FRMD4A: variants seen among roughly 807,000 people sequenced by gnomAD.
FRMD4A encodes FERM domain containing 4A.
A neutral mutation model predicts 129.1 loss-of-function variants in FRMD4A; 29 were observed. The ratio of observed to expected loss-of-function variants is 0.22; its 90% CI spans 0.17 to 0.31. The LOEUF (loss-of-function observed/expected upper bound fraction) is 0.31. FRMD4A is among the 10% of genes least tolerant of loss of function. FRMD4A has a pLI of 1.00. For missense variants in FRMD4A, 1,272 were observed against 1,375.8 expected (o/e 0.92, Z 1.19); for synonymous variants, 634 against 571.6 (o/e 1.11, Z -1.56).
intron 2 of FRMD4A, among the ~76,000 whole-genome samples, chr10:14,129,371 CATATATAT>C (rs3033977): frequency 4.1e-3 from 189 of 46,220 alleles, no homozygotes; most frequent in African/African-American, 8.1e-3. Context: ...AATTATGATT[CATATATAT>C]ATATATATAT....
chr10:14,104,371 C>T (rs918067334), intron 2 of FRMD4A, among the ~76,000 whole-genome samples: 1 of 151,666 alleles, frequency 6.6e-6, no homozygotes, highest in African/African-American at 2.4e-5. Flanking sequence ...GTGCTCACTT[C>T]CCTGCTCTAG....
At chr10:14,111,528 C>T (rs1034259200) in intron 2 of FRMD4A, among the ~76,000 whole-genome samples, 2 of 152,074 alleles carry the variant, frequency 1.3e-5, no homozygotes, top group Non-Finnish European at 2.9e-5. Flanking sequence ...AAGCTTGCAG[C>T]ACTATGGTTA....
At chr10:14,315,173 G>A (rs1166158009) in intron 2 of FRMD4A, among the ~76,000 whole-genome samples, 1 of 151,348 alleles carries the variant, frequency 6.6e-6, no homozygotes, top group African/African-American at 2.4e-5. Flanking sequence ...GCTCTTCTCT[G>A]TCTATTCTCC....
intron 2 of FRMD4A, among the ~76,000 whole-genome samples, chr10:14,200,396 T>C (rs190789096): frequency 6.6e-6 from 1 of 152,116 alleles, no homozygotes; most frequent in Non-Finnish European, 1.5e-5. Context: ...TAGGTTCAAG[T>C]GATTCTCCCA....
intron 5 of FRMD4A, among the ~76,000 whole-genome samples, chr10:13,790,472 C>T (rs567935034): frequency 4.5e-4 from 69 of 152,226 alleles, no homozygotes; most frequent in Admixed American, 2.1e-3. Flanking sequence ...AAGCAAGACA[C>T]GACCTCGTGG....
chr10:14,114,651 T>G (rs953307016), intron 2 of FRMD4A, among the ~76,000 whole-genome samples: 1 of 152,154 alleles, frequency 6.6e-6, no homozygotes, highest in Non-Finnish European at 1.5e-5. Flanking sequence ...AATCACTCCC[T>G]AAAACCCCAG....
chr10:13,772,167 T>C lies in FRMD4A; in HGVS notation c.385-9487A>G, dbSNP rs1001504141. Among the ~76,000 whole-genome samples, 169 of 131,308 alleles carry C rather than the reference T, an allele frequency of 1.3e-3. 1 individual carries two copies. The Middle Eastern group carries it at 0.022, about 17-fold the overall frequency. 86.1% of individuals were successfully genotyped at this position (131,308 alleles called of 152,430 possible). A position where few individuals can be genotyped will look rare whatever the true frequency, so the allele number is the denominator to read the frequency against. On this transcript the variant is annotated intron_variant, in intron 6 of 24. Coordinates refer to ENST00000357447, the MANE Select transcript of FRMD4A (RefSeq NM_018027.5). ...TATAATAAAGATATATAATATATAA[T>C]ATATTATATTATATATAATTATTAT...
chr10:14,269,238 G>A (rs1238843633), intron 2 of FRMD4A, among the ~76,000 whole-genome samples: 1 of 152,152 alleles, frequency 6.6e-6, no homozygotes, highest in Admixed American at 6.6e-5. Flanking sequence ...CTGTAGCATA[G>A]GTTAGTTGTA....
intron 2 of FRMD4A, among the ~76,000 whole-genome samples, chr10:14,129,777 A>C (rs1462079079): frequency 2.6e-5 from 4 of 152,076 alleles, no homozygotes; most frequent in Non-Finnish European, 2.9e-5. Context: ...AGGAACTCTG[A>C]CCTTTGGGTG....
intron 2 of FRMD4A, among the ~76,000 whole-genome samples, chr10:14,033,630 C>T (rs1017504431): frequency 1.3e-5 from 2 of 151,866 alleles, no homozygotes; most frequent in African/African-American, 4.8e-5. Context: ...ACTAAAAATA[C>T]AAAAATTAGC....
chr10:13,911,417 G>A (rs559282527), intron 2 of FRMD4A, among the ~76,000 whole-genome samples: 1 of 152,046 alleles, frequency 6.6e-6, no homozygotes, highest in Non-Finnish European at 1.5e-5. Flanking sequence ...CACTAAAACG[G>A]TTTTAGATAC....
chr10:13,888,748 A>T lies in FRMD4A; in HGVS notation c.46-29836T>A, dbSNP rs555802915. ...CCCAAAAATAAGACATATGAATTGA[A>T]GTTACTCCTGACACTGGACTCAGAC... is the stretch of plus-strand genomic sequence containing the variant. On this transcript the variant is annotated intron_variant, in intron 2 of 24. Transcript: ENST00000357447. 3.3e-5 allele frequency among the ~76,000 whole-genome samples: 5 copies of T among 152,336 alleles called. No homozygotes were observed. The South Asian group carries it at 1.0e-3, about 32-fold the overall frequency.
intron 2 of FRMD4A, among the ~76,000 whole-genome samples, chr10:14,309,290 A>T (rs1802137801): frequency 6.6e-6 from 1 of 152,118 alleles, no homozygotes; most frequent in South Asian, 2.1e-4. Context: ...TCTCTAAAAA[A>T]ATTTTTTAAA....
intron 2 of FRMD4A, among the ~76,000 whole-genome samples, chr10:13,910,265 C>T (rs2094927739): frequency 1.3e-5 from 2 of 152,202 alleles, no homozygotes; most frequent in Admixed American, 1.3e-4. Flanking sequence ...TGCCTAGCTG[C>T]CATGTGAACA....
At chr10:14,273,521 T>C (rs866097363) in intron 2 of FRMD4A, among the ~76,000 whole-genome samples, 1 of 152,196 alleles carries the variant, frequency 6.6e-6, no homozygotes, top group South Asian at 2.1e-4. Flanking sequence ...ATGATTTTTT[T>C]TTAAGTGAAT....
rs4130142 is a variant in FRMD4A, at chr10:13,753,224, G to A, written c.465-5405C>T. ...CTCCTCCTTTTTTTGGTAAACCAAG[G>A]TGAAGCTGAGGTTACAACAAAGAAA... On this transcript the variant is annotated intron_variant, in intron 8 of 24. Coordinates refer to ENST00000357447, the MANE Select transcript of FRMD4A (RefSeq NM_018027.5). Among the ~76,000 whole-genome samples, 138 of 152,182 alleles carry A rather than the reference G, an allele frequency of 9.1e-4. 3 individuals carry two copies. In the South Asian group the frequency reaches 0.028, roughly 31 times the overall value.
At chr10:14,132,429 G>A (rs1166701015) in intron 2 of FRMD4A, among the ~76,000 whole-genome samples, 1 of 152,222 alleles carries the variant, frequency 6.6e-6, no homozygotes, top group East Asian at 1.9e-4. Context: ...AATGTGGAGA[G>A]GGGAGGCTGC....
intron 2 of FRMD4A, among the ~76,000 whole-genome samples, chr10:14,102,330 C>A (rs1837349956): frequency 6.6e-6 from 1 of 152,188 alleles, no homozygotes; most frequent in Non-Finnish European, 1.5e-5. Context: ...GCTTTGAAAC[C>A]AGCCTGGCCA....
intron 2 of FRMD4A, among the ~76,000 whole-genome samples, chr10:14,210,905 T>G (rs536117010): frequency 1.4e-4 from 21 of 152,264 alleles, no homozygotes; most frequent in Admixed American, 2.6e-4. Flanking sequence ...CTTTTTGTAT[T>G]TTTAGTAGAG....
Sources: allele counts gnomAD v4.1 joint callset (sites outside exome capture counted in the v4.1 genomes callset), GRCh38; gene constraint gnomAD v4.1.1; transcripts MANE v1.5; gene names NCBI Gene and HGNC (gene_info 2026-07-23, HGNC 2026-07-21).